Variants in TRIM2 observed in about 807,000 individuals in gnomAD.
TRIM2 encodes the protein tripartite motif containing 2.
In TRIM2, 20 loss-of-function variants were observed where a neutral mutation model predicts 75.2. The ratio of observed to expected loss-of-function variants is 0.27; its 90% CI spans 0.19 to 0.39. The LOEUF is 0.39. Among genes scored for constraint, TRIM2 ranks in the 10% least tolerant of loss-of-function variants. TRIM2 has a pLI of 1.00. For synonymous variants in TRIM2, 373 were observed against 388.3 expected (o/e 0.96, Z 0.46); for missense variants, 660 against 990.8 (o/e 0.67, Z 4.48).
At chr4:153,245,969 A>G (rs761655349) in intron 1 of TRIM2, among the ~76,000 whole-genome samples, 7 of 152,166 alleles carry the variant, frequency 4.6e-5, no homozygotes, top group Non-Finnish European at 7.3e-5. Context: ...ATGAGGCACC[A>G]CACCCAGCCC....
intron 1 of TRIM2, among the ~76,000 whole-genome samples, chr4:153,233,537 T>C (rs1744217584): frequency 6.6e-6 from 1 of 152,174 alleles, no homozygotes; most frequent in Non-Finnish European, 1.5e-5. Context: ...CCAAAATTCT[T>C]TGTTGCTGAG....
chr4:153,192,070 C>G (rs141674044), intron 1 of TRIM2, among the ~76,000 whole-genome samples: 1 of 152,226 alleles, frequency 6.6e-6, no homozygotes, highest in African/African-American at 2.4e-5. Context: ...TTGCCAAGCC[C>G]AGATCTAATT....
chr4:153,203,751 G>C (rs565243397), upstream of TRIM2, among the ~76,000 whole-genome samples: 1 of 152,124 alleles, frequency 6.6e-6, no homozygotes, highest in Non-Finnish European at 1.5e-5. Flanking sequence ...AATTCACCAG[G>C]TGTGGTGGTG....
At position 153,208,219 on chromosome 4, in the gene TRIM2, G is replaced by A. The variant is rs535018591; in HGVS notation, c.30+3659G>A. Among the ~76,000 whole-genome samples, 126 of 152,226 alleles carry A rather than the reference G, an allele frequency of 8.3e-4. 1 individual carries two copies. In the South Asian group the frequency reaches 0.014, roughly 17 times the overall value. On this transcript the variant is annotated intron_variant, in intron 1 of 11. Transcript: ENST00000338700. ...AGGCTGAGGCGGTAGGATCACTTGA[G>A]CCTGGGAGGTGGAAGCTGCAGTGAG...
At position 153,180,121 on chromosome 4, in the gene TRIM2, C is replaced by T. The variant is rs116472360; in HGVS notation, c.-49+26851C>T. Among the ~76,000 whole-genome samples, 391 of 152,278 alleles carry T rather than the reference C, an allele frequency of 2.6e-3. 1 individual carries two copies. Among genetic ancestry groups the T allele is most frequent in the African/African-American group, 8.9e-3 (371 of 41,558 alleles). ...TGTATTTGCTTTCTCTTGGGAGAGT[C>T]AAGTGATAACACTGCAGCCTGGCCT... On this transcript the variant is annotated intron_variant, in intron 1 of 11. Transcript: ENST00000437508.
Position 153,338,750 on chromosome 4 carries a change from A to G in TRIM2, c.*3784A>G. 2 of 985,820 alleles carry G rather than the reference A, an allele frequency of 2.0e-6. No individual in the cohort carries two copies. The highest frequency in any genetic ancestry group is 2.4e-6 in the Non-Finnish European group (2 of 829,892). 61.1% of individuals were successfully genotyped at this position (985,820 alleles called of 1,614,324 possible). On this transcript the variant is annotated 3_prime_UTR_variant, in exon 12 of 12. Coordinates refer to ENST00000338700, the MANE Select transcript of TRIM2 (RefSeq NM_015271.5). The stretch of plus-strand genomic sequence containing the variant: ...TGTATGAAAGCTATTAATATTCTAG[A>G]ATAGATTAATAAATTGGCTATGTTG...
intron 1 of TRIM2, among the ~76,000 whole-genome samples, chr4:153,240,171 A>G (rs1157129993): frequency 3.3e-5 from 5 of 152,140 alleles, no homozygotes; most frequent in Non-Finnish European, 7.4e-5. Flanking sequence ...TAGGATCCCT[A>G]ATAAAGGCTG....
At chr4:153,293,536 T>C (rs1053539428) in intron 4 of TRIM2, among the ~76,000 whole-genome samples, 1 of 152,230 alleles carries the variant, frequency 6.6e-6, no homozygotes, top group Admixed American at 6.5e-5. Context: ...GTCTGAGCTC[T>C]GCAAAATGGT....
intron 1 of TRIM2, among the ~76,000 whole-genome samples, chr4:153,252,470 C>G (rs780760884): frequency 6.6e-6 from 1 of 152,144 alleles, no homozygotes; most frequent in Non-Finnish European, 1.5e-5. Context: ...CTGCTCTACC[C>G]GTTTCTGGGT....
chr4:153,221,775 GAAAGAAGAA>G (rs1740114659), intron 1 of TRIM2, among the ~76,000 whole-genome samples: 1 of 122,348 alleles, frequency 8.2e-6, no homozygotes, highest in Non-Finnish European at 1.7e-5. Context: ...AGGAAGGAAG[GAAAGAAGAA>G]AAGGAAGGAA....
chr4:153,319,531 C>T (rs1283128001), intron 8 of TRIM2, among the ~76,000 whole-genome samples: 1 of 152,036 alleles, frequency 6.6e-6, no homozygotes, highest in East Asian at 1.9e-4. Context: ...GAGTTCAAGA[C>T]CAGCCTGGCC....
chr4:153,296,809 G>C (rs1434747721), intron 6 of TRIM2, among the ~76,000 whole-genome samples: 1 of 152,200 alleles, frequency 6.6e-6, no homozygotes, highest in East Asian at 1.9e-4. Flanking sequence ...AGAAAAGTCT[G>C]CATTTTAGTT....
intron 1 of TRIM2, among the ~76,000 whole-genome samples, chr4:153,234,968 C>T (rs1322477097): frequency 6.6e-6 from 1 of 152,192 alleles, no homozygotes; most frequent in African/African-American, 2.4e-5. Flanking sequence ...CACACAGACC[C>T]CTCTGCTGCC....
At chr4:153,314,606 A>G (rs888579394) in intron 6 of TRIM2, among the ~76,000 whole-genome samples, 4 of 151,788 alleles carry the variant, frequency 2.6e-5, no homozygotes, top group African/African-American at 9.7e-5. Flanking sequence ...AATCAAAAAA[A>G]GAATCTAGTA....
intron 1 of TRIM2, among the ~76,000 whole-genome samples, chr4:153,195,412 A>G (rs551501415): frequency 6.6e-6 from 1 of 152,234 alleles, no homozygotes; most frequent in South Asian, 2.1e-4. Flanking sequence ...GCTACTCAGG[A>G]GGCTGATGTG....
chr4:153,163,000 C>T (rs1380888714), intron 1 of TRIM2, among the ~76,000 whole-genome samples: 1 of 152,106 alleles, frequency 6.6e-6, no homozygotes, highest in East Asian at 1.9e-4. Context: ...AAGTGGAATC[C>T]TATCATGTAA....
chr4:153,184,309 C>T (rs956563226), intron 1 of TRIM2, among the ~76,000 whole-genome samples: 2 of 152,152 alleles, frequency 1.3e-5, no homozygotes, highest in African/African-American at 4.8e-5. Context: ...TGTCTTCTGA[C>T]TATGTGCTTA....
chr4:153,279,351 A>G (rs1288708772), intron 3 of TRIM2, among the ~76,000 whole-genome samples: 3 of 152,194 alleles, frequency 2.0e-5, no homozygotes, highest in Non-Finnish European at 2.9e-5. Flanking sequence ...ATACCACTAT[A>G]TTTTCCCATT....
intron 1 of TRIM2, among the ~76,000 whole-genome samples, chr4:153,166,585 A>C (rs1355796036): frequency 2.1e-5 from 3 of 143,068 alleles, no homozygotes; most frequent in African/African-American, 7.9e-5. Flanking sequence ...TCACTCCACC[A>C]CCCAGGCTGG....
Sources: gnomAD v4.1 joint callset for allele counts (sites outside exome capture counted in the v4.1 genomes callset) on GRCh38, gnomAD v4.1.1 for gene constraint, MANE v1.5 for transcripts, NCBI Gene and HGNC (gene_info 2026-07-23, HGNC 2026-07-21) for gene names.